Variants in TPST1 observed in about 807,000 individuals in gnomAD.
TPST1 encodes protein-tyrosine sulfotransferase 1.
A neutral mutation model predicts 34.8 loss-of-function variants in TPST1; 20 were observed. The observed-to-expected ratio is 0.57, with a 90% CI of 0.40 to 0.84. The LOEUF (loss-of-function observed/expected upper bound fraction) is 0.84. Among genes scored for constraint, TPST1 ranks in the 40% least tolerant of loss-of-function variants. The pLI is 0.00. For missense variants in TPST1, 353 were observed against 455.5 expected, an observed-to-expected ratio of 0.78 and a Z score of 2.05; for synonymous variants, 152 against 159.4, an observed-to-expected ratio of 0.95 and a Z score of 0.35.
At chr7:66,286,867 A>G (rs1315192745) in intron 3 of TPST1, among the ~76,000 whole-genome samples, 158 bp downstream of exon 3, 4 of 78,994 alleles carry the variant, frequency 5.1e-5, no homozygotes, top group Non-Finnish European at 8.1e-5. Flanking sequence ...TATTTTTTTT[A>G]TTATACTCTA....
At chr7:66,246,179 A>AT (rs35051150) in intron 2 of TPST1, among the ~76,000 whole-genome samples, 11,067 of 91,918 alleles carry the variant, frequency 0.12, 1,300 homozygotes, top group East Asian at 0.22. Context: ...TGCCTGGCTA[A>AT]TTTTTTTTTT....
intron 1 of TPST1, among the ~76,000 whole-genome samples, chr7:66,221,311 A>T (rs1171258280): frequency 6.6e-6 from 1 of 152,120 alleles, no homozygotes; most frequent in African/African-American, 2.4e-5. Context: ...AATCAAGTAA[A>T]GGGAGATGAA....
intron 3 of TPST1, among the ~76,000 whole-genome samples, chr7:66,351,893 G>A (rs1344202647): frequency 2.6e-5 from 4 of 151,910 alleles, no homozygotes; most frequent in Non-Finnish European, 5.9e-5. Flanking sequence ...GTAATAAATG[G>A]TATTTATCAC....
intron 4 of TPST1, 25 bp downstream of exon 4, chr7:66,352,580 G>A (rs772736240): frequency 5.6e-6 from 9 of 1,611,062 alleles, no homozygotes; most frequent in Admixed American, 1.7e-5. Flanking sequence ...TTTTCCTCCT[G>A]ATGTATACTA....
intron 1 of TPST1, among the ~76,000 whole-genome samples, chr7:66,229,439 C>T (rs1269267103): frequency 6.6e-6 from 1 of 152,156 alleles, no homozygotes; most frequent in African/African-American, 2.4e-5. Flanking sequence ...CAGCATAATG[C>T]CTTTGAGATT....
At chr7:66,331,644 G>C (rs1384365494) in intron 3 of TPST1, among the ~76,000 whole-genome samples, 1 of 152,102 alleles carries the variant, frequency 6.6e-6, no homozygotes, top group Non-Finnish European at 1.5e-5. Context: ...ATAAAAAGAA[G>C]GTGTCTGTCT....
intron 1 of TPST1, among the ~76,000 whole-genome samples, chr7:66,206,444 A>G (rs1789133241): frequency 1.3e-5 from 2 of 152,320 alleles, no homozygotes; most frequent in South Asian, 2.1e-4. Context: ...TCCAGTGTCC[A>G]CAGGGATTTG....
At chr7:66,299,299 GTT>G (rs35066356) in intron 3 of TPST1, among the ~76,000 whole-genome samples, 1 of 124,296 alleles carries the variant, frequency 8.0e-6, no homozygotes. Context: ...ATGCTCTTAG[GTT>G]TTTTTTTTTT....
chr7:66,358,607 C>T (rs1011237584), intron 5 of TPST1, among the ~76,000 whole-genome samples: 3 of 152,082 alleles, frequency 2.0e-5, no homozygotes, highest in African/African-American at 4.8e-5. Context: ...AGCACATGGA[C>T]GCTGGTCCGT....
In TPST1 at chr7:66,205,710, C is replaced by G. The variant is rs1789113585; in HGVS notation, c.-102+188C>G. 1 of 152,412 alleles carries G rather than the reference C, an allele frequency of 6.6e-6. No homozygotes were observed. Among genetic ancestry groups the G allele is most frequent in the Non-Finnish European group, 1.5e-5 (1 of 68,304 alleles). 9.4% of individuals were successfully genotyped at this position (152,412 alleles called of 1,614,324 possible). On this transcript the variant is annotated intron_variant, in intron 1 of 5. Coordinates refer to ENST00000304842, the MANE Select transcript of TPST1 (RefSeq NM_003596.4). The surrounding 1 kb of genome is among the most constrained non-coding windows in gnomAD (Gnocchi z 5.0). The stretch of plus-strand genomic sequence containing the variant: ...TCCGGCCCCTGCTCCCACGCCCCTT[C>G]CCCCATCGCCGGCATTTCCCGGGCT...
intron 3 of TPST1, among the ~76,000 whole-genome samples, chr7:66,323,362 C>G (rs1268901371): frequency 1.3e-5 from 2 of 150,796 alleles, no homozygotes; most frequent in Non-Finnish European, 3.0e-5. Context: ...TTTAAATAAA[C>G]GTCCTTTATC....
At chr7:66,314,326 G>A (rs1791591604) in intron 3 of TPST1, among the ~76,000 whole-genome samples, 1 of 152,172 alleles carries the variant, frequency 6.6e-6, no homozygotes, top group South Asian at 2.1e-4. Flanking sequence ...CTTAAGCCCA[G>A]GAACTCAAGA....
intron 1 of TPST1, among the ~76,000 whole-genome samples, chr7:66,234,400 T>TACACACACACAGACAC (rs561856939): frequency 6.9e-4 from 98 of 142,948 alleles, no homozygotes; most frequent in African/African-American, 2.3e-3. Context: ...AAAGCATGGC[T>TACACACACACAGACAC]ACACACACAC....
chr7:66,234,574 A>G (rs1237024522), intron 1 of TPST1, among the ~76,000 whole-genome samples: 1 of 152,130 alleles, frequency 6.6e-6, no homozygotes, highest in Non-Finnish European at 1.5e-5. Flanking sequence ...AATTGCCAAG[A>G]TGTGTCCAGA....
intron 1 of TPST1, among the ~76,000 whole-genome samples, chr7:66,209,156 C>T (rs1016779749): frequency 6.6e-6 from 1 of 151,956 alleles, no homozygotes; most frequent in Non-Finnish European, 1.5e-5. Flanking sequence ...GCCTGTAATC[C>T]CAGCTACTCA....
intron 2 of TPST1, among the ~76,000 whole-genome samples, chr7:66,269,528 G>C (rs1399060327): frequency 6.6e-6 from 1 of 152,118 alleles, no homozygotes; most frequent in Non-Finnish European, 1.5e-5. Flanking sequence ...TGCTGAAAAG[G>C]CTCTGGGTAC....
chr7:66,224,769 G>T (rs765842427), intron 1 of TPST1, among the ~76,000 whole-genome samples: 3 of 152,112 alleles, frequency 2.0e-5, no homozygotes, highest in Non-Finnish European at 2.9e-5. Context: ...ATTATTTCTA[G>T]GAGTCTATTT....
intron 1 of TPST1, among the ~76,000 whole-genome samples, chr7:66,235,260 G>A (rs567865082): frequency 6.9e-6 from 1 of 144,030 alleles, no homozygotes; most frequent in Non-Finnish European, 1.5e-5. Context: ...AACTCGGCTC[G>A]CTGCAAGCTC....
At chr7:66,270,660 C>T (rs1790687259) in intron 2 of TPST1, among the ~76,000 whole-genome samples, 1 of 152,164 alleles carries the variant, frequency 6.6e-6, no homozygotes, top group African/African-American at 2.4e-5. Flanking sequence ...TAAAGTTATT[C>T]ACAATCTGAA....
Sources: allele counts gnomAD v4.1 joint callset (sites outside exome capture counted in the v4.1 genomes callset), GRCh38; gene constraint gnomAD v4.1.1; non-coding constraint Gnocchi (gnomAD v3.1); transcripts MANE v1.5; gene names NCBI Gene and HGNC (gene_info 2026-07-23, HGNC 2026-07-21).